Variants in TBC1D14 observed in about 807,000 individuals in gnomAD.
The protein encoded by TBC1D14 is TBC1 domain family member 14, also known as TBC1 domain family, member 14.
Under a neutral mutation model 79.0 loss-of-function variants are expected in TBC1D14, and 26 were observed. The ratio of observed to expected loss-of-function variants is 0.33; its 90% CI spans 0.24 to 0.46. The LOEUF is 0.46. Among genes scored for constraint, TBC1D14 ranks in the 20% least tolerant of loss-of-function variants. TBC1D14 has a pLI of 1.00. For missense variants in TBC1D14, 769 were observed against 887.6 expected, an observed-to-expected ratio of 0.87 and a Z score of 1.70; for synonymous variants, 394 against 349.9, an observed-to-expected ratio of 1.13 and a Z score of -1.40.
At chr4:6,976,661 T>C (rs748480435) in intron 3 of TBC1D14, among the ~76,000 whole-genome samples, 2 of 152,202 alleles carry the variant, frequency 1.3e-5, no homozygotes, top group Admixed American at 6.5e-5. Context: ...TGAAAGAAGT[T>C]GTTCAGATAG....
intron 3 of TBC1D14, among the ~76,000 whole-genome samples, chr4:6,970,201 TGA>T (rs1716100282): frequency 6.6e-6 from 1 of 152,216 alleles, no homozygotes; most frequent in African/African-American, 2.4e-5. Context: ...TCTTATTACT[TGA>T]GAGAGCAACA....
At chr4:7,014,373 T>C (rs954049805) in intron 11 of TBC1D14, 75 bp from the exon 12 acceptor site, 49 of 894,228 alleles carry the variant, frequency 5.5e-5, no homozygotes, top group African/African-American at 1.3e-4. Context: ...TCTAAAGATA[T>C]ACATATATTG....
intron 2 of TBC1D14, among the ~76,000 whole-genome samples, chr4:6,934,362 G>A (rs992526762): frequency 6.6e-6 from 1 of 152,056 alleles, no homozygotes; most frequent in Non-Finnish European, 1.5e-5. Context: ...CAAGGGGAGG[G>A]GCAACTGGGC....
At chr4:6,973,749 T>C (rs1716461389) in intron 3 of TBC1D14, among the ~76,000 whole-genome samples, 1 of 152,202 alleles carries the variant, frequency 6.6e-6, no homozygotes, top group East Asian at 1.9e-4. Flanking sequence ...AGAAGCTCTG[T>C]ACTTCTGACT....
chr4:6,919,074 C>G (rs1056666830), intron 1 of TBC1D14, among the ~76,000 whole-genome samples: 1 of 151,986 alleles, frequency 6.6e-6, no homozygotes, highest in African/African-American at 2.4e-5. Context: ...TGTCCGGATT[C>G]TTTCAGATCT....
chr4:6,977,607 C>T (rs1345922655), intron 3 of TBC1D14, among the ~76,000 whole-genome samples: 93 of 149,170 alleles, frequency 6.2e-4, no homozygotes, highest in African/African-American at 2.2e-3. Flanking sequence ...AGGAGCCTCT[C>T]TGCCTGGCTA....
chr4:6,950,170 T>G (rs1307272456), intron 2 of TBC1D14, among the ~76,000 whole-genome samples: 2 of 152,254 alleles, frequency 1.3e-5, no homozygotes, highest in African/African-American at 4.8e-5. Flanking sequence ...TGTTTGGTTT[T>G]CTGTTCCCGT....
chr4:6,929,289 C>T (rs1402738820), intron 2 of TBC1D14, among the ~76,000 whole-genome samples: 2 of 152,016 alleles, frequency 1.3e-5, no homozygotes, highest in Non-Finnish European at 2.9e-5. Flanking sequence ...GATGAAAGGA[C>T]CATTCTAATC....
At chr4:6,988,709 G>A (rs1185017512) in intron 3 of TBC1D14, among the ~76,000 whole-genome samples, 1 of 152,154 alleles carries the variant, frequency 6.6e-6, no homozygotes, top group Non-Finnish European at 1.5e-5. Flanking sequence ...TCCTCTTCTA[G>A]GTAAAATAGA....
chr4:6,946,952 T>G (rs761412299), intron 2 of TBC1D14, among the ~76,000 whole-genome samples: 1 of 152,218 alleles, frequency 6.6e-6, no homozygotes, highest in Non-Finnish European at 1.5e-5. Context: ...AGTCCTCCTC[T>G]CCTCTTTTCC....
At chr4:6,928,842 G>A (rs1166650587) in intron 2 of TBC1D14, among the ~76,000 whole-genome samples, 2 of 152,108 alleles carry the variant, frequency 1.3e-5, no homozygotes, top group Admixed American at 6.5e-5. Context: ...AGGGTTGTTG[G>A]GATTAAATGG....
rs188415498 is a variant in TBC1D14, at chr4:6,982,915, C to T, written c.844-11269C>T. On this transcript the variant is annotated intron_variant, in intron 3 of 13. Transcript: ENST00000409757. The stretch of plus-strand genomic sequence containing the variant: ...TACAAAATAGCTATTAGTGGAATTT[C>T]TTTGGAGAGGAGAACAAACTGGGTA... Among the ~76,000 whole-genome samples the T allele has an allele frequency of 5.3e-3, 800 of 152,298 alleles. 8 individuals are homozygous for T. The highest frequency in any genetic ancestry group is 5.7e-3 in the Non-Finnish European group (391 of 68,030).
At chr4:6,977,893 G>GCCCC (rs1264755132) in intron 3 of TBC1D14, among the ~76,000 whole-genome samples, 1 of 136,096 alleles carries the variant, frequency 7.3e-6, no homozygotes, top group Non-Finnish European at 1.6e-5. Context: ...CTGCCCTGCC[G>GCCCC]CCCCGTCTGG....
chr4:6,918,711 G>A (rs1723598066), intron 1 of TBC1D14, among the ~76,000 whole-genome samples: 1 of 152,188 alleles, frequency 6.6e-6, no homozygotes, highest in South Asian at 2.1e-4. Flanking sequence ...CCTCTTACAT[G>A]TGTGGCTTTT....
chr4:6,961,474 C>A (rs1214327221), intron 2 of TBC1D14, among the ~76,000 whole-genome samples: 1 of 152,110 alleles, frequency 6.6e-6, no homozygotes, highest in Non-Finnish European at 1.5e-5. Context: ...AGTGCCCAGT[C>A]CACGAGGAGC....
intron 2 of TBC1D14, among the ~76,000 whole-genome samples, chr4:6,945,762 A>AAC (rs1713386556): frequency 6.7e-6 from 1 of 149,832 alleles, no homozygotes; most frequent in South Asian, 2.1e-4. Context: ...AAAAAAAAAA[A>AAC]AAAAAAAAAA....
chr4:6,947,389 T>A (rs901923460), intron 2 of TBC1D14, among the ~76,000 whole-genome samples: 2 of 152,032 alleles, frequency 1.3e-5, no homozygotes, highest in African/African-American at 4.8e-5. Context: ...TCCCAGCTAC[T>A]TGGGAGGCTA....
At chr4:6,988,885 C>CTTT (rs34268749) in intron 3 of TBC1D14, among the ~76,000 whole-genome samples, 1,666 of 76,780 alleles carry the variant, frequency 0.022, 81 homozygotes, top group African/African-American at 0.041. Flanking sequence ...TTCTTTCTTT[C>CTTT]TTTTTTTTTT....
chr4:6,946,637 T>C (rs533902215), intron 2 of TBC1D14, among the ~76,000 whole-genome samples: 6 of 152,276 alleles, frequency 3.9e-5, no homozygotes, highest in African/African-American at 1.4e-4. Flanking sequence ...TGTTATTTAT[T>C]AATAAGCAGA....
Sources: gnomAD v4.1 joint callset for allele counts (sites outside exome capture counted in the v4.1 genomes callset) on GRCh38, gnomAD v4.1.1 for gene constraint, MANE v1.5 for transcripts, NCBI Gene and HGNC (gene_info 2026-07-23, HGNC 2026-07-21) for gene names.